ANKRD30BL: variants seen among roughly 807,000 people sequenced by gnomAD.
ANKRD30BL encodes ankyrin repeat domain 30B like.
A neutral mutation model predicts 18.4 loss-of-function variants in ANKRD30BL; 20 were observed. The ratio of observed to expected loss-of-function variants is 1.09; its 90% CI spans 0.77 to 1.58. The LOEUF (loss-of-function observed/expected upper bound fraction) is 1.58, where lower values mean the gene tolerates loss of function less well. Ranked by LOEUF, ANKRD30BL falls within the 40% of genes most tolerant of loss-of-function variation. ANKRD30BL has a pLI of 0.00. For missense variants in ANKRD30BL, 224 were observed against 268.6 expected (o/e 0.83, Z 1.16); for synonymous variants, 72 against 100.9 (o/e 0.71, Z 1.72).
chr2:132,162,798 A>G (rs1688109413), upstream of ANKRD30BL, among the ~76,000 whole-genome samples: 1 of 152,236 alleles, frequency 6.6e-6, no homozygotes, highest in Admixed American at 6.5e-5. Context: ...GGCTCTGGGC[A>G]CTGTGCAGTC....
chr2:132,162,918 C>T (rs929901044), upstream of ANKRD30BL, among the ~76,000 whole-genome samples: 1 of 152,208 alleles, frequency 6.6e-6, no homozygotes, highest in African/African-American at 2.4e-5. Context: ...CAGGTAGCGG[C>T]TACAGTTCTG....
chr2:132,236,044 A>C (rs1285817920), intron 1 of ANKRD30BL, among the ~76,000 whole-genome samples: 2 of 152,118 alleles, frequency 1.3e-5, no homozygotes, highest in Non-Finnish European at 2.9e-5. Context: ...ACATATCCAC[A>C]ACTATCTGAT....
intron 1 of ANKRD30BL, among the ~76,000 whole-genome samples, chr2:132,225,160 T>C (rs1573863608): frequency 6.6e-6 from 1 of 150,626 alleles, no homozygotes; most frequent in African/African-American, 2.4e-5. Flanking sequence ...CTTCACATAA[T>C]CACTAGACAG....
At chr2:132,247,706 C>T (rs1158636522) in intron 1 of ANKRD30BL, among the ~76,000 whole-genome samples, 1 of 151,880 alleles carries the variant, frequency 6.6e-6, no homozygotes, top group Non-Finnish European at 1.5e-5. Context: ...GATGAAAGCA[C>T]ACATCATAAG....
intron 1 of ANKRD30BL, among the ~76,000 whole-genome samples, chr2:132,210,308 T>C (rs1301879427): frequency 3.3e-5 from 5 of 152,094 alleles, no homozygotes; most frequent in Non-Finnish European, 5.9e-5. Flanking sequence ...ACACTCTTTT[T>C]GTAGAATCTG....
chr2:132,252,647 G>T (rs889695910), intron 1 of ANKRD30BL, among the ~76,000 whole-genome samples: 20 of 152,124 alleles, frequency 1.3e-4, no homozygotes, highest in African/African-American at 4.8e-4. Context: ...CTCCAGGGGT[G>T]GACGGCGAAC....
chr2:132,210,372 CA>C, intron 1 of ANKRD30BL, among the ~76,000 whole-genome samples: 1 of 151,580 alleles, frequency 6.6e-6, no homozygotes, highest in Non-Finnish European at 1.5e-5. Flanking sequence ...GAAACATCTT[CA>C]CATAAAAACT....
chr2:132,251,123 T>A (rs1680637191), intron 1 of ANKRD30BL, among the ~76,000 whole-genome samples: 1 of 152,244 alleles, frequency 6.6e-6, no homozygotes, highest in Non-Finnish European at 1.5e-5. Flanking sequence ...AGTGAAAGTC[T>A]GCTATGACTT....
chr2:132,237,402 G>C (rs1680181282), intron 1 of ANKRD30BL, among the ~76,000 whole-genome samples: 1 of 152,012 alleles, frequency 6.6e-6, no homozygotes, highest in Non-Finnish European at 1.5e-5. Flanking sequence ...ATTTACAAGT[G>C]GATATTAGGG....
intron 1 of ANKRD30BL, among the ~76,000 whole-genome samples, chr2:132,234,707 C>T (rs1264669221): frequency 1.3e-5 from 2 of 151,990 alleles, no homozygotes; most frequent in African/African-American, 4.8e-5. Flanking sequence ...AGCTTACCAA[C>T]AAAAAGAGTC....
At chr2:132,250,230 C>T (rs1178830133) in intron 1 of ANKRD30BL, among the ~76,000 whole-genome samples, 2 of 152,122 alleles carry the variant, frequency 1.3e-5, no homozygotes, top group Admixed American at 6.6e-5. Context: ...AACAGAGTTT[C>T]CAGACTGATC....
At chr2:132,249,473 T>A (rs1680592525) in intron 1 of ANKRD30BL, among the ~76,000 whole-genome samples, 1 of 152,150 alleles carries the variant, frequency 6.6e-6, no homozygotes, top group Non-Finnish European at 1.5e-5. Context: ...GTGAAGACAT[T>A]TCCTTTTTCA....
chr2:132,229,931 G>T (rs550342447), intron 1 of ANKRD30BL, among the ~76,000 whole-genome samples: 1 of 151,998 alleles, frequency 6.6e-6, no homozygotes, highest in South Asian at 2.1e-4. Context: ...TATTTGGAAC[G>T]CTTGGAGGCC....
At chr2:132,148,446 T>G in intron 5 of ANKRD30BL, among the ~76,000 whole-genome samples, 1 of 133,808 alleles carries the variant, frequency 7.5e-6, no homozygotes. Context: ...AGCAGATCAC[T>G]GCAACCTCCG....
chr2:132,160,752 A>G (rs1688034766), intron 1 of ANKRD30BL, among the ~76,000 whole-genome samples: 1 of 152,104 alleles, frequency 6.6e-6, no homozygotes, highest in African/African-American at 2.4e-5. Context: ...GCAAATTAAT[A>G]GCACATTTTG....
intron 1 of ANKRD30BL, among the ~76,000 whole-genome samples, chr2:132,199,243 C>T (rs1212588744): frequency 1.3e-5 from 2 of 151,936 alleles, no homozygotes; most frequent in Non-Finnish European, 2.9e-5. Flanking sequence ...GCCTGTAATC[C>T]TAGCTACTCA....
chr2:132,256,831 G>A (rs72869457), intron 1 of ANKRD30BL: 9 of 365,500 alleles, frequency 2.5e-5, no homozygotes, highest in South Asian at 9.9e-5. Context: ...GGTCCCAGAC[G>A]GGGCCACCAC....
intron 1 of ANKRD30BL, among the ~76,000 whole-genome samples, chr2:132,204,574 T>G (rs2104750687): frequency 6.6e-6 from 1 of 151,962 alleles, no homozygotes; most frequent in African/African-American, 2.4e-5. Flanking sequence ...TCAGAAAGAA[T>G]AGTCAAGATT....
intron 1 of ANKRD30BL, among the ~76,000 whole-genome samples, chr2:132,177,730 C>A (rs966817501): frequency 1.1e-4 from 16 of 152,032 alleles, no homozygotes; most frequent in African/African-American, 3.9e-4. Flanking sequence ...GTTTTAATGG[C>A]ATAATATGCT....
Sources: allele counts gnomAD v4.1 joint callset (sites outside exome capture counted in the v4.1 genomes callset), GRCh38; gene constraint gnomAD v4.1.1; transcripts MANE v1.5; gene names NCBI Gene and HGNC (gene_info 2026-07-23, HGNC 2026-07-21).